Variants in ZNF438 observed in about 807,000 individuals in gnomAD.
The protein encoded by ZNF438 is zinc finger protein 438.
A neutral mutation model predicts 38.0 loss-of-function variants in ZNF438; 25 were observed. The observed-to-expected ratio is 0.66, with a 90% confidence interval of 0.48 to 0.92. ZNF438 has a LOEUF of 0.92. ZNF438 is among the 40% of genes least tolerant of loss of function. The pLI, the probability that ZNF438 is intolerant of heterozygous loss-of-function variation, is 0.00. For missense variants in ZNF438, 1,007 were observed against 999.6 expected (o/e 1.01, Z -0.10); for synonymous variants, 372 against 364.1 (o/e 1.02, Z -0.25).
chr10:30,867,295 T>C (rs2994662), intron 4 of ZNF438, among the ~76,000 whole-genome samples: 117,889 of 152,152 alleles, frequency 0.77, 46,467 homozygotes, highest in African/African-American at 0.89. Context: ...TTGCAGAAAA[T>C]GTAAATCAAT....
In ZNF438 at chr10:30,895,967, A is replaced by T. The variant is rs1265741066; in HGVS notation, c.-32+12966T>A. Among the ~76,000 whole-genome samples the T allele has an allele frequency of 2.0e-5, 3 of 152,330 alleles. No homozygotes were observed. The East Asian group carries it at 5.8e-4, about 29-fold the overall frequency. ...AGTACCTCAAAAAATTAAAAATAGA[A>T]TTACCATATGGTCTAGCAATTCCAC... On this transcript the variant is annotated intron_variant, in intron 3 of 5. Coordinates refer to ENST00000413025, the Ensembl canonical transcript of ZNF438.
chr10:30,896,954 G>T (rs1316295596), intron 3 of ZNF438, among the ~76,000 whole-genome samples: 1 of 152,168 alleles, frequency 6.6e-6, no homozygotes, highest in African/African-American at 2.4e-5. Context: ...GTTTTATGTG[G>T]CAAGTCTTTT....
chr10:30,871,044 G>C (rs1424575824), intron 4 of ZNF438, among the ~76,000 whole-genome samples: 1 of 152,144 alleles, frequency 6.6e-6, no homozygotes, highest in Non-Finnish European at 1.5e-5. Flanking sequence ...AAAAAATAGA[G>C]AGCTTAAGAA....
chr10:31,001,229 C>A (rs1023960684), intron 1 of ZNF438, among the ~76,000 whole-genome samples: 1 of 152,136 alleles, frequency 6.6e-6, no homozygotes, highest in African/African-American at 2.4e-5. Flanking sequence ...TTTAAAAAAA[C>A]AACTACCATT....
chr10:30,963,648 T>C (rs1270703412), intron 1 of ZNF438, among the ~76,000 whole-genome samples: 2 of 151,388 alleles, frequency 1.3e-5, no homozygotes, highest in Admixed American at 6.6e-5. Context: ...CCAAGGCGAG[T>C]GGATCACAAG....
chr10:30,961,269 T>TAA lies in ZNF438; in HGVS notation c.-191-19619_-191-19618insTT, dbSNP rs1478139804. Among the ~76,000 whole-genome samples, 9 of 123,026 alleles carry TAA rather than the reference T, an allele frequency of 7.3e-5. 1 individual carries two copies. 80.7% of individuals were successfully genotyped at this position (123,026 alleles called of 152,430 possible). A position where few individuals can be genotyped will look rare whatever the true frequency, so the allele number is the denominator to read the frequency against. On this transcript the variant is annotated intron_variant, in intron 1 of 5. Transcript: ENST00000413025. The stretch of plus-strand genomic sequence containing the variant: ...AAAAAAAAAATTAAAAAAAAAAATT[T>TAA]TTTAATTTATTATACCTTTTTAAAA...
chr10:30,943,906 G>C (rs2047086825), intron 1 of ZNF438, among the ~76,000 whole-genome samples: 1 of 152,036 alleles, frequency 6.6e-6, no homozygotes, highest in African/African-American at 2.4e-5. Context: ...TGCGGCCTTT[G>C]AATGCCAGGT....
chr10:30,882,671 G>A (rs1035027364), intron 3 of ZNF438, among the ~76,000 whole-genome samples: 1 of 152,154 alleles, frequency 6.6e-6, no homozygotes, highest in African/African-American at 2.4e-5. Flanking sequence ...ATGGTTGCCT[G>A]GGGACAGGGG....
chr10:30,849,053 G>T, exon 5 of ZNF438: 1 of 1,614,160 alleles, frequency 6.2e-7, no homozygotes, highest in Non-Finnish European at 8.5e-7. Context: ...AGTTGGAGAA[G>T]CCAGGGAGGC....
intron 1 of ZNF438, among the ~76,000 whole-genome samples, chr10:30,963,699 G>C (rs994533206): frequency 6.6e-6 from 1 of 151,986 alleles, no homozygotes; most frequent in African/African-American, 2.4e-5. Context: ...GGCCAAGATG[G>C]TGAAACTCCG....
At chr10:31,011,259 G>A (rs1343887017) in intron 1 of ZNF438, among the ~76,000 whole-genome samples, 1 of 152,172 alleles carries the variant, frequency 6.6e-6, no homozygotes, top group African/African-American at 2.4e-5. Context: ...GCAGGCTAAC[G>A]GTTCTCAGAA....
intron 2 of ZNF438, among the ~76,000 whole-genome samples, chr10:30,912,072 A>G (rs1170725122): frequency 6.6e-6 from 1 of 152,172 alleles, no homozygotes; most frequent in Non-Finnish European, 1.5e-5. Flanking sequence ...TTCCTTTAAA[A>G]TAACAGCAAA....
intron 2 of ZNF438, among the ~76,000 whole-genome samples, chr10:30,928,427 A>G (rs986507225): frequency 6.6e-6 from 1 of 152,146 alleles, no homozygotes; most frequent in Non-Finnish European, 1.5e-5. Context: ...GAAGACAAAA[A>G]CTAATACTCT....
chr10:30,950,188 C>T (rs1408245330), intron 1 of ZNF438, among the ~76,000 whole-genome samples: 3 of 151,328 alleles, frequency 2.0e-5, no homozygotes, highest in Admixed American at 6.6e-5. Flanking sequence ...TAAAGATGTT[C>T]TTTGAAACCA....
chr10:30,849,507 T>G, exon 5 of ZNF438: 1 of 1,614,236 alleles, frequency 6.2e-7, no homozygotes. Flanking sequence ...ATTGTCTTCA[T>G]TCTTGAGTAG....
At chr10:30,922,922 C>T (rs879696741) in intron 2 of ZNF438, among the ~76,000 whole-genome samples, 9 of 151,914 alleles carry the variant, frequency 5.9e-5, no homozygotes, top group Admixed American at 6.6e-5. Flanking sequence ...TTTAAACAAC[C>T]CTTTCTAAGT....
chr10:30,994,802 G>T lies in ZNF438; in HGVS notation c.-192+37031C>A, dbSNP rs567695429. ...CTCCAGCATCTTGGGAGGCCGAGGT[G>T]GGAGGATTGCTTGAGCCCAGGAATT... On this transcript the variant is annotated intron_variant, in intron 1 of 5. Transcript: ENST00000413025. Among the ~76,000 whole-genome samples, 4 of 152,264 alleles carry T rather than the reference G, an allele frequency of 2.6e-5. No homozygotes were observed. In the South Asian group the frequency reaches 8.3e-4, roughly 32 times the overall value.
chr10:30,914,243 T>C (rs1490750397), intron 2 of ZNF438, among the ~76,000 whole-genome samples: 1 of 152,034 alleles, frequency 6.6e-6, no homozygotes, highest in Non-Finnish European at 1.5e-5. Flanking sequence ...TCCATTTAAA[T>C]AACATTTTTA....
intron 5 of ZNF438, 132 bp from the exon 7 acceptor site, chr10:30,845,705 G>A (rs1317548420): frequency 2.8e-6 from 3 of 1,080,482 alleles, no homozygotes; most frequent in Non-Finnish European, 3.9e-6. Context: ...GGTAAACAGA[G>A]AGCACCTGGG....
Sources: allele counts gnomAD v4.1 joint callset (sites outside exome capture counted in the v4.1 genomes callset), GRCh38; gene constraint gnomAD v4.1.1; transcripts MANE v1.5; gene names NCBI Gene and HGNC (gene_info 2026-07-23, HGNC 2026-07-21).